Variants in GLDN observed in about 807,000 individuals in gnomAD.
GLDN encodes the protein collomin.
GLDN carries 47 observed loss-of-function variants against 56.5 expected under a neutral mutation model. The observed-to-expected ratio is 0.83, with a 90% CI of 0.66 to 1.06. The LOEUF (loss-of-function observed/expected upper bound fraction) is 1.06, where lower values mean the gene tolerates loss of function less well. GLDN is among the 50% of genes least tolerant of loss of function. The probability of loss-of-function intolerance (pLI) is 0.00; values close to 1 mark genes in which losing one functional copy is unlikely to be tolerated. For missense variants in GLDN, 782 were observed against 714.3 expected, an observed-to-expected ratio of 1.09 and a Z score of -1.08; for synonymous variants, 332 against 278.8, an observed-to-expected ratio of 1.19 and a Z score of -1.90.
chr15:51,402,186 C>T (rs751380466), intron 9 of GLDN, among the ~76,000 whole-genome samples: 28 of 152,218 alleles, frequency 1.8e-4, no homozygotes, highest in Non-Finnish European at 2.9e-4. Flanking sequence ...CCTAGTCAAG[C>T]GTCTCTGCCT....
intron 1 of GLDN, among the ~76,000 whole-genome samples, chr15:51,364,582 T>C (rs1400648505): frequency 1.3e-5 from 2 of 152,304 alleles, no homozygotes; most frequent in Admixed American, 1.3e-4. Context: ...AGTTTTCATT[T>C]TTAGAGTTTG....
chr15:51,393,175 T>A (rs1198304620), intron 4 of GLDN, among the ~76,000 whole-genome samples: 1 of 152,206 alleles, frequency 6.6e-6, no homozygotes, highest in African/African-American at 2.4e-5. Flanking sequence ...ATTGAGATGA[T>A]CATATAATTT....
chr15:51,387,588 C>T (rs1280776400), intron 4 of GLDN, among the ~76,000 whole-genome samples: 4 of 152,172 alleles, frequency 2.6e-5, no homozygotes, highest in Middle Eastern at 3.4e-3. Flanking sequence ...CACGTGGGTA[C>T]GCAACCTTCC....
In GLDN at chr15:51,407,568, A is replaced by G. The variant is rs2038411408; in HGVS notation, c.*2814A>G. The G allele has an allele frequency of 6.6e-6, 1 of 152,214 alleles. No homozygotes were observed. The allele number at this position is 152,214 out of a possible 1,614,324, so 9.4% of individuals were successfully genotyped here. A position where few individuals can be genotyped will look rare whatever the true frequency, so the allele number is the denominator to read the frequency against. On this transcript the variant is annotated 3_prime_UTR_variant, in exon 10 of 10. Coordinates refer to ENST00000335449, the MANE Select transcript of GLDN (RefSeq NM_181789.4). The stretch of plus-strand genomic sequence containing the variant: ...CAAAGCTAGGCCACACTCTATTTCA[A>G]GGCATTTTCTTTCAGCTGATAAGGT...
In GLDN at chr15:51,341,859, C is replaced by T. The variant is rs1376846520; in HGVS notation, c.175C>T (p.Gln59Ter). 1.3e-6 allele frequency: 2 copies of T among 1,535,696 alleles called. No individual in the cohort carries two copies. Among genetic ancestry groups the T allele is most frequent in the Admixed American group, 2.0e-5 (1 of 51,232 alleles). Residue 59 changes from glutamine (Q) to a stop codon, truncating the protein, a stop_gained, in exon 1 of 10, where the codon CAG becomes TAG. Coordinates refer to ENST00000335449, the MANE Select transcript of GLDN (RefSeq NM_181789.4). LOFTEE classifies it high-confidence loss of function. ...RALEAQRGRE[Q>*]REDSALRSFL... is the part of the protein sequence containing the mutation. ...TTTGGAGGCGCAGCGGGGCCGGGAG[C>T]AGCGCGAGGACAGTGCCCTGCGCTC...
At position 51,404,280 on chromosome 15, in the gene GLDN, T is replaced by A; in HGVS notation, c.1182T>A (p.Phe394Leu). Residue 394 changes from phenylalanine to leucine, a missense_variant, in exon 10 of 10, where the codon TTT (phenylalanine) becomes TTA (leucine). Physicochemically the swap from Phe to Leu is conservative, Grantham distance 22. Coordinates refer to ENST00000335449, the MANE Select transcript of GLDN (RefSeq NM_181789.4). Reference sequence around the variant, plus strand: ...TTTCTTTGTTTGCATATTTCAGATTTGAATTTGGCCAGGAAACATCCCAAA... The same window carrying A: ...TTTCTTTGTTTGCATATTTCAGATTAGAATTTGGCCAGGAAACATCCCAAA... Reference protein sequence around the residue: ...HKGGSNTLVRFEFGQETSQTL... With the variant: ...HKGGSNTLVRLEFGQETSQTL... 1 of 1,579,044 alleles carries A rather than the reference T, an allele frequency of 6.3e-7. No individual in the cohort carries two copies. The highest frequency in any genetic ancestry group is 8.6e-7 in the Non-Finnish European group (1 of 1,165,924).
At chr15:51,357,438 C>G (rs2037207031) in intron 1 of GLDN, among the ~76,000 whole-genome samples, 3 of 152,188 alleles carry the variant, frequency 2.0e-5, no homozygotes, top group African/African-American at 7.2e-5. Context: ...CTATTCTGTT[C>G]TATCTTCTCG....
chr15:51,342,737 A>G (rs1047320153), intron 1 of GLDN, among the ~76,000 whole-genome samples: 11 of 152,134 alleles, frequency 7.2e-5, no homozygotes, highest in Non-Finnish European at 1.6e-4. Flanking sequence ...GGACCTGCGG[A>G]TTGGTCTCCC....
At chr15:51,348,873 G>T (rs2037026277) in intron 1 of GLDN, among the ~76,000 whole-genome samples, 1 of 152,180 alleles carries the variant, frequency 6.6e-6, no homozygotes, top group Non-Finnish European at 1.5e-5. Context: ...TATTTAGCTT[G>T]ACCACAATGC....
chr15:51,389,379 T>C (rs1414964139), intron 4 of GLDN, among the ~76,000 whole-genome samples: 2 of 152,184 alleles, frequency 1.3e-5, no homozygotes, highest in African/African-American at 2.4e-5. Context: ...TGTCTGTATA[T>C]AAGGGCTTAC....
intron 2 of GLDN, among the ~76,000 whole-genome samples, chr15:51,382,190 T>A (rs2037777792): frequency 1.3e-5 from 2 of 152,184 alleles, no homozygotes; most frequent in Non-Finnish European, 2.9e-5. Flanking sequence ...CAGGATCATC[T>A]TCTTGAGATG....
chr15:51,355,803 G>A lies in GLDN; in HGVS notation c.363+13756G>A, dbSNP rs191203464. On this transcript the variant is annotated intron_variant, in intron 1 of 9. Transcript: ENST00000335449. Reference sequence around the variant, plus strand: ...CTCCCAAAGTGCTGGGATTACAGGCGTGAGCCACCACACCCGGCCCTACTG... The same window carrying A: ...CTCCCAAAGTGCTGGGATTACAGGCATGAGCCACCACACCCGGCCCTACTG... Among the ~76,000 whole-genome samples, 1,031 of 150,612 alleles carry A rather than the reference G, an allele frequency of 6.8e-3. 9 individuals are homozygous for A. Among genetic ancestry groups the A allele is most frequent in the African/African-American group, 0.021 (880 of 41,142 alleles).
At chr15:51,365,958 A>G (rs16964297) in intron 1 of GLDN, among the ~76,000 whole-genome samples, 17,737 of 152,258 alleles carry the variant, frequency 0.12, 1,958 homozygotes, top group African/African-American at 0.29. Flanking sequence ...TTAAGAAACA[A>G]TTGTCCAGAA....
chr15:51,396,578 A>G (rs914138561), intron 5 of GLDN, among the ~76,000 whole-genome samples: 2 of 152,246 alleles, frequency 1.3e-5, no homozygotes, highest in Admixed American at 1.3e-4. Context: ...ACATGTGAAC[A>G]TAACTATATA....
chr15:51,366,622 C>T (rs2037407580), intron 1 of GLDN, among the ~76,000 whole-genome samples: 2 of 152,176 alleles, frequency 1.3e-5, no homozygotes, highest in East Asian at 1.9e-4. Context: ...ATTAAAATAG[C>T]ATGAATTCAA....
At chr15:51,360,202 T>C (rs948137983) in intron 1 of GLDN, 1 of 152,058 alleles carries the variant, frequency 6.6e-6, no homozygotes, top group African/African-American at 2.4e-5. Flanking sequence ...ACGAGACAGA[T>C]GAGACAAGAA....
downstream of GLDN, among the ~76,000 whole-genome samples, chr15:51,409,187 C>T (rs569754893): frequency 6.6e-5 from 10 of 150,912 alleles, no homozygotes; most frequent in South Asian, 2.1e-4. Flanking sequence ...GCTGTCACAA[C>T]GCCAAAAAAA....
chr15:51,380,125 C>T (rs1268206553), intron 2 of GLDN, among the ~76,000 whole-genome samples: 1 of 152,118 alleles, frequency 6.6e-6, no homozygotes, highest in Non-Finnish European at 1.5e-5. Flanking sequence ...GAGCAGGTGG[C>T]AGTTCCTAGG....
chr15:51,394,768 T>G, intron 4 of GLDN, 67 bp from the exon 5 acceptor site: 1 of 1,539,060 alleles, frequency 6.5e-7, no homozygotes, highest in Non-Finnish European at 9.0e-7. Context: ...CAAAGCACAG[T>G]AATATAAAGT....
Sources: gnomAD v4.1 joint callset for allele counts (sites outside exome capture counted in the v4.1 genomes callset) on GRCh38, gnomAD v4.1.1 for gene constraint, MANE v1.5 for transcripts, NCBI Gene and HGNC (gene_info 2026-07-23, HGNC 2026-07-21) for gene names.